SYNC: variants seen among roughly 807,000 people sequenced by gnomAD.
SYNC encodes the protein syncoilin, intermediate filament protein.
A neutral mutation model predicts 49.5 loss-of-function variants in SYNC; 38 were observed. The ratio of observed to expected loss-of-function variants is 0.77; its 90% confidence interval spans 0.59 to 1.01. The LOEUF is 1.01. Among genes scored for constraint, SYNC ranks in the 50% least tolerant of loss-of-function variants. SYNC has a pLI of 0.00. For missense variants in SYNC, 579 were observed against 580.6 expected, an observed-to-expected ratio of 1.00 and a Z score of 0.03; for synonymous variants, 201 against 230.8, an observed-to-expected ratio of 0.87 and a Z score of 1.17.
At chr1:32,697,653 C>T (rs1650491644) in intron 1 of SYNC, among the ~76,000 whole-genome samples, 1 of 151,664 alleles carries the variant, frequency 6.6e-6, no homozygotes, top group Non-Finnish European at 1.5e-5. Context: ...GGGAGAATCA[C>T]CTGAGCCTGG....
Position 32,684,071 on chromosome 1 carries a change from C to G in SYNC, c.1377G>C (p.Lys459Asn). The G allele has an allele frequency of 1.2e-6, 2 of 1,614,024 alleles. No individual in the cohort carries two copies. The highest frequency in any genetic ancestry group is 1.3e-5 in the African/African-American group (1 of 74,916). ...LSTYKAMLLP[K>N]SLEQADAPTS... ...TGGGAGCATCAGCCTGTTCCAGGCT[C>G]TTGGGTAGTAGCATAGCCCTTTAAA... The change falls in exon 4 of 5, where the codon AAG (lysine) becomes AAC (asparagine). Residue 459 changes from lysine to asparagine, a missense_variant. Transcript: ENST00000409190.
chr1:32,690,860 GCAGA>G lies in SYNC; in HGVS notation c.1233+4001_1233+4004del, dbSNP rs560973735. ...CCAGCACTTTGGGAGGCCGAGGCAG[GCAGA>G]CTGCCTGAGCTCAGGAGTTCAAGAC... On this transcript the variant is annotated intron_variant, in intron 2 of 4. Coordinates refer to ENST00000409190, the MANE Select transcript of SYNC (RefSeq NM_030786.3). Among the ~76,000 whole-genome samples the G allele has an allele frequency of 1.8e-3, 275 of 152,202 alleles. 1 individual carries two copies. Among genetic ancestry groups the G allele is most frequent in the Non-Finnish European group, 2.9e-3 (194 of 68,006 alleles).
At chr1:32,687,596 C>G (rs1373735453) in intron 2 of SYNC, among the ~76,000 whole-genome samples, 3 of 149,466 alleles carry the variant, frequency 2.0e-5, no homozygotes, top group African/African-American at 7.4e-5. Context: ...GACTTGAACC[C>G]GGGAGGCAAA....
At chr1:32,691,006 C>T (rs1007147596) in intron 2 of SYNC, among the ~76,000 whole-genome samples, 4 of 152,132 alleles carry the variant, frequency 2.6e-5, no homozygotes, top group Non-Finnish European at 5.9e-5. Context: ...ATCATGAGGT[C>T]AGGAGATCAA....
chr1:32,683,818 A>C (rs1649614930), intron 4 of SYNC, 192 bp downstream of exon 4: 2 of 576,516 alleles, frequency 3.5e-6, no homozygotes, highest in Non-Finnish European at 6.2e-6. Context: ...TTTTTAGTGG[A>C]GATGGAGTTT....
chr1:32,690,182 GATTC>G (rs1477626108), intron 2 of SYNC, among the ~76,000 whole-genome samples: 1 of 152,004 alleles, frequency 6.6e-6, no homozygotes, highest in African/African-American at 2.4e-5. Flanking sequence ...AATAGAGAAA[GATTC>G]ATTTGATAGA....
In SYNC at chr1:32,695,535, T is replaced by A. The variant is rs1266675127; in HGVS notation, c.563A>T (p.Gln188Leu). ...RFQQCVQAVA[Q>L]LEEERDQLIH... Reference sequence around the variant, plus strand: ...GAGCTGATCCCTCTCCTCTTCCAGCTGGGCCACAGCTTGGACACACTGCTG... The same window carrying A: ...GAGCTGATCCCTCTCCTCTTCCAGCAGGGCCACAGCTTGGACACACTGCTG... The change falls in exon 2 of 5, where the codon CAG (glutamine) becomes CTG (leucine). Residue 188 changes from glutamine to leucine, a missense_variant. Transcript: ENST00000409190. The A allele has an allele frequency of 6.4e-7, 1 of 1,551,492 alleles. No homozygotes were observed. Among genetic ancestry groups the A allele is most frequent in the South Asian group, 1.2e-5 (1 of 84,036 alleles).
intron 2 of SYNC, among the ~76,000 whole-genome samples, chr1:32,690,926 T>C (rs1189633116): frequency 1.3e-5 from 2 of 150,476 alleles, no homozygotes; most frequent in African/African-American, 4.9e-5. Flanking sequence ...GTCCCTACTA[T>C]ACAAACAATT....
At chr1:32,698,214 CAAAAAAAA>C (rs149634173) in intron 1 of SYNC, among the ~76,000 whole-genome samples, 3 of 119,864 alleles carry the variant, frequency 2.5e-5, no homozygotes, top group Admixed American at 8.7e-5. Context: ...GACTCCATCT[CAAAAAAAA>C]AAAAAAAAAA....
At chr1:32,686,334 G>GC (rs1649828327) in intron 2 of SYNC, 1 of 152,140 alleles carries the variant, frequency 6.6e-6, no homozygotes, top group African/African-American at 2.4e-5. Flanking sequence ...CTGTGTTCCT[G>GC]CCACTTTTTT....
chr1:32,684,633 G>A, intron 2 of SYNC: 1 of 470,640 alleles, frequency 2.1e-6, no homozygotes, highest in Non-Finnish European at 3.8e-6. Flanking sequence ...ATAGAATCCT[G>A]GGAGGGTGAT....
In SYNC at chr1:32,680,556, A is replaced by G; in HGVS notation, c.*1294T>C. On this transcript the variant is annotated 3_prime_UTR_variant, in exon 5 of 5. Coordinates refer to ENST00000409190, the MANE Select transcript of SYNC (RefSeq NM_030786.3). ...AGTCCTTGACCACTAGTTTGATGCCATCTCCATTTTGGGTGACCTGTTTCA... is the reference window on the plus strand; with the variant it reads ...AGTCCTTGACCACTAGTTTGATGCCGTCTCCATTTTGGGTGACCTGTTTCA... 2 of 1,540,992 alleles carry G rather than the reference A, an allele frequency of 1.3e-6. No individual in the cohort carries two copies. The highest frequency in any genetic ancestry group is 1.8e-6 in the Non-Finnish European group (2 of 1,139,842).
Position 32,702,670 on chromosome 1 carries a change from AC to A in SYNC, c.-11del. On this transcript the variant is annotated 5_prime_UTR_variant, in exon 1 of 5. Coordinates refer to ENST00000409190, the MANE Select transcript of SYNC (RefSeq NM_030786.3). This position sits in a 1 kb window ranked among gnomAD's most constrained non-coding sequence, Gnocchi z 6.2. ...GCTCCGGGCTGGCCATGGCTGCGCG[AC>A]CCCGGGCTGGCGGCCGCGTTATTAA... The A allele has an allele frequency of 8.5e-7, 1 of 1,181,184 alleles. No individual in the cohort carries two copies. Among genetic ancestry groups the A allele is most frequent in the Non-Finnish European group, 1.0e-6 (1 of 956,426 alleles). The allele number at this position is 1,181,184 out of a possible 1,614,324, so 73.2% of individuals were successfully genotyped here.
rs1031514634 is a variant in SYNC, at chr1:32,702,155, G to A, written c.53+453C>T. Among the ~76,000 whole-genome samples the A allele has an allele frequency of 6.6e-6, 1 of 152,194 alleles. No homozygotes were observed. Among genetic ancestry groups the A allele is most frequent in the African/African-American group, 2.4e-5 (1 of 41,442 alleles). On this transcript the variant is annotated intron_variant, in intron 1 of 4. Transcript: ENST00000409190. This position sits in a 1 kb window ranked among gnomAD's most constrained non-coding sequence, Gnocchi z 6.2. ...TTCCCCCACCCATCCCAGGCCAGAC[G>A]GGAGAGAACAAGCCCTGACAGACTC...
At chr1:32,690,586 G>T (rs1650110004) in intron 2 of SYNC, among the ~76,000 whole-genome samples, 1 of 151,100 alleles carries the variant, frequency 6.6e-6, no homozygotes, top group Admixed American at 6.6e-5. Flanking sequence ...GGAGATTTCG[G>T]TGAGCCAAGA....
rs1010022014 is a variant in SYNC at position 32,681,375 on chromosome 1, T to C, written c.*475A>G. ...GACTTTGTAAAAGTATTCATTTAAA[T>C]TCTAACACTCGTGGCACAAAAGAAT... On this transcript the variant is annotated 3_prime_UTR_variant, in exon 5 of 5. Coordinates refer to ENST00000409190, the MANE Select transcript of SYNC (RefSeq NM_030786.3). 6.3e-6 allele frequency: 1 copy of C among 158,796 alleles called. No individual in the cohort carries two copies. The highest frequency in any genetic ancestry group is 2.4e-5 in the African/African-American group (1 of 41,620). 9.8% of individuals were successfully genotyped at this position (158,796 alleles called of 1,614,324 possible). A position where few individuals can be genotyped will look rare whatever the true frequency, so the allele number is the denominator to read the frequency against.
chr1:32,687,864 T>TTATTATTATTATTA (rs1557871719), intron 2 of SYNC, among the ~76,000 whole-genome samples: 28 of 3,762 alleles, frequency 7.4e-3, no homozygotes, highest in African/African-American at 0.01. Flanking sequence ...TATTATTATT[T>TTATTATTATTATTA]TTTGAGATGG....
intron 1 of SYNC, among the ~76,000 whole-genome samples, chr1:32,700,976 T>C (rs552948353): frequency 6.6e-6 from 1 of 151,836 alleles, no homozygotes; most frequent in South Asian, 2.1e-4. Context: ...AGTGCAATGG[T>C]GTAATCTCCG....
chr1:32,690,114 C>T (rs1650090092), intron 2 of SYNC, among the ~76,000 whole-genome samples: 1 of 151,942 alleles, frequency 6.6e-6, no homozygotes, highest in African/African-American at 2.4e-5. Flanking sequence ...TAAAGTGGCT[C>T]ACACCTGTAA....
Sources: gnomAD v4.1 joint callset for allele counts (sites outside exome capture counted in the v4.1 genomes callset) on GRCh38, gnomAD v4.1.1 for gene constraint, Gnocchi (gnomAD v3.1) non-coding constraint, MANE v1.5 for transcripts, NCBI Gene and HGNC (gene_info 2026-07-23, HGNC 2026-07-21) for gene names.